NPIPB2: variants seen among roughly 807,000 people sequenced by gnomAD.
The protein encoded by NPIPB2 is nuclear pore complex-interacting protein family member B2.
A neutral mutation model predicts 30.8 loss-of-function variants in NPIPB2; 27 were observed. The observed-to-expected ratio is 0.88, with a 90% CI of 0.65 to 1.21. NPIPB2 has a LOEUF of 1.21. Among genes scored for constraint, NPIPB2 ranks in the 50% most tolerant of loss-of-function variants. The pLI is 0.00. For synonymous variants in NPIPB2, 147 were observed against 162.0 expected (o/e 0.91, Z 0.70); for missense variants, 440 against 446.2 (o/e 0.99, Z 0.13).
intron 1 of NPIPB2, among the ~76,000 whole-genome samples, chr16:11,949,389 G>A (rs981648617): frequency 3.9e-5 from 6 of 152,160 alleles, no homozygotes; most frequent in Admixed American, 3.9e-4. Context: ...ATAGCTGGTA[G>A]GAGGCAAAGC....
chr16:11,946,344 C>G (rs938361485), upstream of NPIPB2, among the ~76,000 whole-genome samples: 1 of 146,712 alleles, frequency 6.8e-6, no homozygotes, highest in Non-Finnish European at 1.5e-5. Flanking sequence ...GAGATCGTAC[C>G]GTTGCACTCC....
At chr16:11,946,808 G>A (rs2055015248), upstream of NPIPB2, among the ~76,000 whole-genome samples, 1 of 151,882 alleles carries the variant, frequency 6.6e-6, no homozygotes, top group Non-Finnish European at 1.5e-5. Context: ...AGGAATGAAA[G>A]CATATGTTTA....
chr16:11,941,234 GCA>G (rs2054934843), intron 1 of NPIPB2: 1 of 1,523,956 alleles, frequency 6.6e-7, no homozygotes, highest in South Asian at 1.2e-5. Context: ...AGCATCCACA[GCA>G]CCCGCATGTC....
chr16:11,967,485 T>C, intron 1 of NPIPB2: 1 of 1,371,874 alleles, frequency 7.3e-7, no homozygotes, highest in South Asian at 1.4e-5. Context: ...TCACATTGCT[T>C]TGAGTCCCGA....
chr16:11,942,643 C>G, upstream of NPIPB2, among the ~76,000 whole-genome samples: 1 of 152,164 alleles, frequency 6.6e-6, no homozygotes, highest in African/African-American at 2.4e-5. Context: ...CTGTGCATTT[C>G]AAGAAACAAA....
At chr16:11,934,553 C>CAAAA (rs1184843851) in intron 2 of NPIPB2, among the ~76,000 whole-genome samples, 10 of 73,016 alleles carry the variant, frequency 1.4e-4, no homozygotes, top group African/African-American at 4.2e-4. Flanking sequence ...AACTCTGTCT[C>CAAAA]AAAAAAAAAA....
At chr16:11,973,453 C>A (rs1301999875) in intron 1 of NPIPB2, among the ~76,000 whole-genome samples, 1 of 152,164 alleles carries the variant, frequency 6.6e-6, no homozygotes, top group African/African-American at 2.4e-5. Flanking sequence ...GAAAAATCAG[C>A]TCAGAAAAGG....
intron 1 of NPIPB2, among the ~76,000 whole-genome samples, chr16:11,959,729 A>T (rs990504507): frequency 5.9e-5 from 9 of 152,214 alleles, no homozygotes; most frequent in Non-Finnish European, 2.9e-5. Flanking sequence ...TTGCAAAAAA[A>T]GTCTCCGTTT....
intron 1 of NPIPB2, chr16:11,965,420 T>A: frequency 6.2e-7 from 1 of 1,614,024 alleles, no homozygotes; most frequent in Non-Finnish European, 8.5e-7. Context: ...CTTCTAATAC[T>A]CCTCCTCTAA....
At chr16:11,949,259 T>C (rs1328485200) in intron 1 of NPIPB2, among the ~76,000 whole-genome samples, 1 of 152,204 alleles carries the variant, frequency 6.6e-6, no homozygotes, top group East Asian at 1.9e-4. Context: ...ATTTTATTAC[T>C]GTGCACGTCG....
At chr16:11,936,311 G>C (rs951195904) in intron 2 of NPIPB2, among the ~76,000 whole-genome samples, 8 of 150,680 alleles carry the variant, frequency 5.3e-5, no homozygotes, top group Non-Finnish European at 1.0e-4. Flanking sequence ...TTGAGGGTGA[G>C]AAAAGAAAAA....
chr16:11,971,520 A>C (rs565273787), intron 1 of NPIPB2, among the ~76,000 whole-genome samples: 1 of 119,382 alleles, frequency 8.4e-6, no homozygotes, highest in African/African-American at 3.9e-5. Context: ...TTTTAGACAG[A>C]GTCTTGCTCT....
upstream of NPIPB2, among the ~76,000 whole-genome samples, chr16:11,945,253 T>C (rs1287680767): frequency 1.3e-5 from 2 of 151,988 alleles, no homozygotes; most frequent in Non-Finnish European, 2.9e-5. Context: ...AGATAGTGTG[T>C]GCTTATAGTC....
At chr16:11,945,866 C>T (rs931681658), upstream of NPIPB2, among the ~76,000 whole-genome samples, 2 of 151,466 alleles carry the variant, frequency 1.3e-5, no homozygotes, top group Non-Finnish European at 2.9e-5. Flanking sequence ...ATTATTCTTT[C>T]TGTCTGTCTC....
intron 1 of NPIPB2, among the ~76,000 whole-genome samples, chr16:11,940,758 TAAAAA>T (rs1205186064): frequency 2.1e-5 from 1 of 47,162 alleles, no homozygotes; most frequent in Non-Finnish European, 3.9e-5. Flanking sequence ...AGACTCTGTC[TAAAAA>T]AAAAAAAAAA....
rs552673804 is a variant in NPIPB2 at position 11,975,702 on chromosome 16, T to C, written c.-584+866A>G. 1.3e-3 allele frequency among the ~76,000 whole-genome samples: 193 copies of C among 152,038 alleles called. 1 individual carries two copies. The highest frequency in any genetic ancestry group is 0.01 in the Middle Eastern group (3 of 294). ...GCCTCCCGGGTTCAAGCAATTCTCC[T>C]GTTTCAGCCTCCCCAGTAGCTGGGA... On this transcript the variant is annotated intron_variant, in intron 1 of 5. Transcript: ENST00000538896.
At chr16:11,944,069 T>G (rs1436132701), upstream of NPIPB2, among the ~76,000 whole-genome samples, 1 of 149,320 alleles carries the variant, frequency 6.7e-6, no homozygotes, top group Non-Finnish European at 1.5e-5. Flanking sequence ...AAATTGGCTG[T>G]GATACTCGGT....
chr16:11,958,219 A>T lies in NPIPB2; in HGVS notation c.-583-16105T>A, dbSNP rs759335475. On this transcript the variant is annotated intron_variant, in intron 1 of 5. Coordinates refer to the NPIPB2 transcript ENST00000538896. Reference sequence around the variant, plus strand: ...GGCGGGCAGATCACCTGAGGTCAGGAGTTCAAGACTAGCCTGGCCAACATA... The same window carrying T: ...GGCGGGCAGATCACCTGAGGTCAGGTGTTCAAGACTAGCCTGGCCAACATA... Among the ~76,000 whole-genome samples, 142 of 151,896 alleles carry T rather than the reference A, an allele frequency of 9.3e-4. 2 individuals carry two copies. The highest frequency in any genetic ancestry group is 2.6e-4 in the Non-Finnish European group (18 of 67,982).
intron 1 of NPIPB2, among the ~76,000 whole-genome samples, chr16:11,970,985 C>T (rs2055232140): frequency 6.6e-6 from 1 of 151,962 alleles, no homozygotes. Context: ...TCCTGTGTAG[C>T]TGGGACTACA....
Sources: gnomAD v4.1 joint callset for allele counts (sites outside exome capture counted in the v4.1 genomes callset) on GRCh38, gnomAD v4.1.1 for gene constraint, MANE v1.5 for transcripts, NCBI Gene and HGNC (gene_info 2026-07-23, HGNC 2026-07-21) for gene names.